Variants in PLOD1 observed in about 807,000 individuals in gnomAD.
PLOD1 encodes lysine hydroxylase.
In PLOD1, 70 loss-of-function variants were observed where a neutral mutation model predicts 94.7. The ratio of observed to expected loss-of-function variants is 0.74; its 90% CI spans 0.61 to 0.90. The LOEUF is 0.90. Among genes scored for constraint, PLOD1 ranks in the 40% least tolerant of loss-of-function variants. The pLI is 0.00. For missense variants in PLOD1, 905 were observed against 972.7 expected (o/e 0.93, Z 0.93); for synonymous variants, 417 against 400.2 (o/e 1.04, Z -0.50).
chr1:11,964,405 T>A, intron 12 of PLOD1, 105 bp downstream of exon 12: 1 of 1,264,144 alleles, frequency 7.9e-7, no homozygotes, highest in Non-Finnish European at 1.1e-6. Flanking sequence ...TACCCTCAAA[T>A]TCCTGTTGAA....
intron 16 of PLOD1, 112 bp from the exon 17 acceptor site, chr1:11,970,558 T>C (rs900213190): frequency 5.5e-5 from 54 of 978,794 alleles, no homozygotes; most frequent in South Asian, 1.4e-4. Flanking sequence ...GCCTGTTCAG[T>C]TTTGTCATGT....
chr1:11,945,308 C>T (rs1258036665), intron 1 of PLOD1, among the ~76,000 whole-genome samples: 2 of 151,956 alleles, frequency 1.3e-5, no homozygotes, highest in East Asian at 1.9e-4. Context: ...CTCCCAGCTA[C>T]CTGGGAGGCT....
chr1:11,949,970 G>T, intron 3 of PLOD1, 64 bp downstream of exon 3: 1 of 1,546,296 alleles, frequency 6.5e-7, no homozygotes, highest in Non-Finnish European at 8.9e-7. Flanking sequence ...ATTCTAAAAT[G>T]AGGCCCTCCC....
In PLOD1 at chr1:11,966,323, G is replaced by A; in HGVS notation, c.1650+7G>A. ...AGGGAAGCTGGTGGAGACGGTAAGG[G>A]CCATGGACACCCTCTTGGACCAGCC... is the stretch of plus-strand genomic sequence containing the variant. On this transcript the variant is annotated splice_region_variant and intron_variant, in intron 15 of 18. Transcript: ENST00000196061. The A allele has an allele frequency of 6.3e-7, 1 of 1,598,732 alleles. No individual in the cohort carries two copies. Among genetic ancestry groups the A allele is most frequent in the Middle Eastern group, 1.7e-4 (1 of 6,050 alleles).
At chr1:11,966,399 A>T in intron 15 of PLOD1, 83 bp downstream of exon 15, 8 of 593,750 alleles carry the variant, frequency 1.3e-5, no homozygotes, top group East Asian at 5.2e-5. Context: ...TGCCCTGGGG[A>T]GTGGGGGACA....
chr1:11,942,439 C>A (rs1645621660), intron 1 of PLOD1, among the ~76,000 whole-genome samples: 1 of 152,172 alleles, frequency 6.6e-6, no homozygotes, highest in African/African-American at 2.4e-5. Context: ...AATACGTCAA[C>A]TACTGGGCAA....
At position 11,967,071 on chromosome 1, in the gene PLOD1, T is replaced by C; in HGVS notation, c.1735T>C (p.Trp579Arg). ...LVEEMEHFGQ[W>R]SLGNNKDNRI... Reference sequence around the variant, plus strand: ...GGAGGAGATGGAGCACTTTGGCCAGTGGTCTCTGGGCAACAACAAGGTGGG... The same window carrying C: ...GGAGGAGATGGAGCACTTTGGCCAGCGGTCTCTGGGCAACAACAAGGTGGG... The change falls in exon 16 of 19, where the codon TGG becomes CGG. Residue 579 changes from tryptophan (W) to arginine (R), a missense_variant. Trp to Arg is a moderately radical substitution (Grantham distance 101). Transcript: ENST00000196061. 1.2e-6 allele frequency: 2 copies of C among 1,611,704 alleles called. No individual in the cohort carries two copies. Among genetic ancestry groups the C allele is most frequent in the Non-Finnish European group, 1.7e-6 (2 of 1,177,766 alleles).
intron 1 of PLOD1, among the ~76,000 whole-genome samples, chr1:11,938,441 G>T (rs1645594520): frequency 6.6e-6 from 1 of 152,038 alleles, no homozygotes; most frequent in Non-Finnish European, 1.5e-5. Context: ...TGGAAATGCT[G>T]CCTGGGGGAG....
In PLOD1 at chr1:11,952,352, A is replaced by G. The variant is rs2273286; in HGVS notation, c.467-271A>G. Reference sequence around the variant, plus strand: ...TACAATCCGTTTCTTCACCACCTATATGGTGCCCAGCACTGAACAGTACAG... The same window carrying G: ...TACAATCCGTTTCTTCACCACCTATGTGGTGCCCAGCACTGAACAGTACAG... On this transcript the variant is annotated intron_variant, in intron 4 of 18. Coordinates refer to ENST00000196061, the MANE Select transcript of PLOD1 (RefSeq NM_000302.4). 0.065 allele frequency among the ~76,000 whole-genome samples: 9,832 copies of G among 152,188 alleles called. 387 individuals carry two copies. The highest frequency in any genetic ancestry group is 0.15 in the East Asian group (761 of 5,168).
rs1409169584 is a variant in PLOD1, at chr1:11,960,782, A to G, written c.1097+15A>G. 1.9e-6 allele frequency: 3 copies of G among 1,612,418 alleles called. No homozygotes were observed. Among genetic ancestry groups the G allele is most frequent in the Admixed American group, 1.7e-5 (1 of 59,996 alleles). On this transcript the variant is annotated intron_variant, in intron 10 of 18. Coordinates refer to ENST00000196061, the MANE Select transcript of PLOD1 (RefSeq NM_000302.4). Reference sequence around the variant, plus strand: ...AACATGGGCGCGTGAGTTGTGGGCCACAGTACTCTCCACTGACAGTGGGGG... The same window carrying G: ...AACATGGGCGCGTGAGTTGTGGGCCGCAGTACTCTCCACTGACAGTGGGGG...
intron 9 of PLOD1, among the ~76,000 whole-genome samples, 155 bp from the exon 10 acceptor site, chr1:11,960,491 G>A (rs557424709): frequency 6.6e-6 from 1 of 152,322 alleles, no homozygotes; most frequent in South Asian, 2.1e-4. Context: ...GCACAGGGCT[G>A]GCATGGGCAA....
At chr1:11,965,441 GT>G in intron 13 of PLOD1, 38 bp from the exon 14 acceptor site, 1 of 1,210,010 alleles carries the variant, frequency 8.3e-7, no homozygotes, top group Non-Finnish European at 1.2e-6. Flanking sequence ...CAGGGGAGGG[GT>G]GGGGGAGCGC....
At position 11,967,583 on chromosome 1, in the gene PLOD1, A is replaced by ATG. The variant is rs1272205754; in HGVS notation, c.1755+506_1755+507dup. On this transcript the variant is annotated intron_variant, in intron 16 of 18. Transcript: ENST00000196061. Reference sequence around the variant, plus strand: ...AGGTACCATTTTTTTTTTTCTTTTCATGTGTGTGTGTGTGTATATATATAT... The same window carrying ATG: ...AGGTACCATTTTTTTTTTTCTTTTCATGTGTGTGTGTGTGTGTATATATATAT... 2.1e-3 allele frequency among the ~76,000 whole-genome samples: 217 copies of ATG among 105,256 alleles called. 5 individuals are homozygous for ATG. Among genetic ancestry groups the ATG allele is most frequent in the East Asian group, 2.8e-3 (9 of 3,232 alleles). 69.1% of individuals were successfully genotyped at this position (105,256 alleles called of 152,430 possible).
intron 4 of PLOD1, among the ~76,000 whole-genome samples, chr1:11,950,985 G>A (rs968911013): frequency 1.3e-5 from 2 of 151,990 alleles, no homozygotes; most frequent in African/African-American, 2.4e-5. Flanking sequence ...GTAGAGATGG[G>A]GTATCGCCAT....
At chr1:11,935,892 G>T (rs978201465) in intron 1 of PLOD1, among the ~76,000 whole-genome samples, 3 of 151,572 alleles carry the variant, frequency 2.0e-5, no homozygotes, top group Non-Finnish European at 4.4e-5. Context: ...CAAAATGTTT[G>T]GATTACAGGC....
intron 2 of PLOD1, among the ~76,000 whole-genome samples, chr1:11,948,405 C>G (rs914101595): frequency 1.3e-5 from 2 of 152,246 alleles, no homozygotes; most frequent in East Asian, 3.9e-4. Flanking sequence ...TGGGCACGGT[C>G]TAGACATCTT....
chr1:11,934,751 G>C lies in PLOD1; in HGVS notation c.-29G>C, dbSNP rs896285664. 3.3e-6 allele frequency: 5 copies of C among 1,522,656 alleles called. No individual in the cohort carries two copies. Among genetic ancestry groups the C allele is most frequent in the Admixed American group, 4.0e-5 (2 of 49,858 alleles). 94.3% of individuals were successfully genotyped at this position (1,522,656 alleles called of 1,614,324 possible). A position where few individuals can be genotyped will look rare whatever the true frequency, so the allele number is the denominator to read the frequency against. ...TTTCCAGCCCTGCGAGCGCCGCCGG[G>C]TCGGCCGATCGTCCCCCATACCTCG... On this transcript the variant is annotated 5_prime_UTR_variant, in exon 1 of 19. Coordinates refer to ENST00000196061, the MANE Select transcript of PLOD1 (RefSeq NM_000302.4).
chr1:11,970,734 G>T lies in PLOD1; in HGVS notation c.1820G>T (p.Gly607Val). ...PTIDIHMNQI[G>V]FEREWHKFLL... ...ATTGACATCCACATGAACCAGATCG[G>T]CTTTGAGCGGGAGTGGCACAAATTC... Residue 607 changes from glycine to valine, a missense_variant, in exon 17 of 19, where the codon GGC (glycine) becomes GTC (valine). By Grantham distance (109) the Gly-to-Val change is moderately radical. Transcript: ENST00000196061. The T allele has an allele frequency of 6.2e-7, 1 of 1,612,610 alleles. No individual in the cohort carries two copies. The highest frequency in any genetic ancestry group is 8.5e-7 in the Non-Finnish European group (1 of 1,179,854).
chr1:11,956,709 C>T (rs1430212410), intron 6 of PLOD1, among the ~76,000 whole-genome samples: 1 of 152,130 alleles, frequency 6.6e-6, no homozygotes, highest in Non-Finnish European at 1.5e-5. Flanking sequence ...TGGTGCCCCA[C>T]GCTTGTTCAA....
Sources: gnomAD v4.1 joint callset for allele counts (sites outside exome capture counted in the v4.1 genomes callset) on GRCh38, gnomAD v4.1.1 for gene constraint, MANE v1.5 for transcripts, NCBI Gene and HGNC (gene_info 2026-07-23, HGNC 2026-07-21) for gene names.